Variants in CCSER1 observed in about 807,000 individuals in gnomAD.
The protein encoded by CCSER1 is coiled-coil serine rich protein 1.
CCSER1 carries 41 observed loss-of-function variants against 82.0 expected under a neutral mutation model. The ratio of observed to expected loss-of-function variants is 0.50; its 90% CI spans 0.39 to 0.65. CCSER1 has a LOEUF of 0.65. CCSER1 is among the 30% of genes least tolerant of loss of function. CCSER1 has a pLI of 0.00. For missense variants in CCSER1, 1,119 were observed against 1,064.2 expected (o/e 1.05, Z -0.72); for synonymous variants, 414 against 383.9 (o/e 1.08, Z -0.92).
rs1392117256 is a variant in CCSER1 at position 91,602,339 on chromosome 4, A to G, written c.*3282A>G. Among the ~76,000 whole-genome samples the G allele has an allele frequency of 6.6e-6, 1 of 151,976 alleles. No homozygotes were observed. Among genetic ancestry groups the G allele is most frequent in the African/African-American group, 2.4e-5 (1 of 41,422 alleles). Reference sequence around the variant, plus strand: ...TTTTGTTTTCTTTGTCTTGTTTAATAGAGATAATAACCATACACCCCTCTC... The same window carrying G: ...TTTTGTTTTCTTTGTCTTGTTTAATGGAGATAATAACCATACACCCCTCTC... On this transcript the variant is annotated 3_prime_UTR_variant, in exon 11 of 11. Transcript: ENST00000509176.
intron 8 of CCSER1, among the ~76,000 whole-genome samples, chr4:90,898,635 G>T (rs1479574818): frequency 6.6e-6 from 1 of 151,820 alleles, no homozygotes. Context: ...ATGTTGAGAA[G>T]TAAGGGTCCA....
At chr4:90,904,483 T>C (rs1725146159) in intron 8 of CCSER1, among the ~76,000 whole-genome samples, 1 of 152,132 alleles carries the variant, frequency 6.6e-6, no homozygotes, top group Non-Finnish European at 1.5e-5. Context: ...TTATTCCTTA[T>C]ACCATAATTG....
At chr4:91,151,270 G>T (rs1437003048) in intron 10 of CCSER1, among the ~76,000 whole-genome samples, 2 of 152,214 alleles carry the variant, frequency 1.3e-5, no homozygotes, top group Non-Finnish European at 2.9e-5. Flanking sequence ...GGTGCTTATA[G>T]TATTCTCTGA....
At chr4:90,559,809 CAAAAAA>C (rs1236087772) in intron 5 of CCSER1, among the ~76,000 whole-genome samples, 9 of 39,756 alleles carry the variant, frequency 2.3e-4, no homozygotes, top group African/African-American at 3.7e-4. Context: ...GACTCCGTCT[CAAAAAA>C]AAAAAAAAAA....
intron 4 of CCSER1, among the ~76,000 whole-genome samples, chr4:90,433,957 C>T (rs1758666639): frequency 1.3e-5 from 2 of 151,472 alleles, no homozygotes; most frequent in Non-Finnish European, 2.9e-5. Flanking sequence ...AACTATTTTA[C>T]CATATTCTCT....
chr4:91,187,104 T>G (rs1056613632), intron 10 of CCSER1, among the ~76,000 whole-genome samples: 1 of 152,214 alleles, frequency 6.6e-6, no homozygotes, highest in African/African-American at 2.4e-5. Flanking sequence ...CCCCTTGTGC[T>G]TCCCAGGTGA....
chr4:90,199,474 T>C (rs1225532498), intron 1 of CCSER1, among the ~76,000 whole-genome samples: 1 of 152,298 alleles, frequency 6.6e-6, no homozygotes. Flanking sequence ...ATTGCTATTA[T>C]GGTAATGATT....
chr4:91,066,595 A>T (rs1165488336), intron 9 of CCSER1, among the ~76,000 whole-genome samples: 1 of 152,308 alleles, frequency 6.6e-6, no homozygotes, highest in Non-Finnish European at 1.5e-5. Flanking sequence ...GTGAATAGAT[A>T]ATTATTCTTC....
chr4:91,376,290 G>T (rs1750407282), intron 10 of CCSER1, among the ~76,000 whole-genome samples: 1 of 152,136 alleles, frequency 6.6e-6, no homozygotes, highest in Non-Finnish European at 1.5e-5. Context: ...AAGCCTAGAT[G>T]GAATAGCCTA....
chr4:90,645,213 G>A (rs1334513474), intron 6 of CCSER1, among the ~76,000 whole-genome samples: 4 of 152,200 alleles, frequency 2.6e-5, no homozygotes, highest in African/African-American at 9.6e-5. Context: ...ATTTTGGATA[G>A]GATATCAGTG....
intron 1 of CCSER1, among the ~76,000 whole-genome samples, chr4:90,154,373 G>A (rs1003509209): frequency 6.6e-6 from 1 of 152,142 alleles, no homozygotes; most frequent in Non-Finnish European, 1.5e-5. Flanking sequence ...CTCTTTTTTG[G>A]TTCCATATGA....
At chr4:90,620,006 A>T (rs1340540327) in intron 5 of CCSER1, among the ~76,000 whole-genome samples, 7 of 152,140 alleles carry the variant, frequency 4.6e-5, no homozygotes, top group Admixed American at 4.6e-4. Flanking sequence ...ACTAAGCCAG[A>T]ACTTGCGGAG....
intron 1 of CCSER1, among the ~76,000 whole-genome samples, chr4:90,290,038 G>A (rs986416806): frequency 1.3e-5 from 2 of 151,714 alleles, no homozygotes; most frequent in African/African-American, 4.8e-5. Flanking sequence ...TAGGGTACAT[G>A]TGATATTGGA....
chr4:91,339,557 A>T (rs1747557503), intron 10 of CCSER1, among the ~76,000 whole-genome samples: 2 of 152,140 alleles, frequency 1.3e-5, no homozygotes, highest in Admixed American at 1.3e-4. Flanking sequence ...GTTTGACTTC[A>T]GTCTCTGCTT....
At chr4:91,141,570 A>G (rs1416975418) in intron 10 of CCSER1, among the ~76,000 whole-genome samples, 2 of 152,188 alleles carry the variant, frequency 1.3e-5, no homozygotes, top group African/African-American at 4.8e-5. Flanking sequence ...GCTATTGTGA[A>G]TAGTGCTGCA....
intron 10 of CCSER1, among the ~76,000 whole-genome samples, chr4:91,091,327 T>G (rs2148826503): frequency 6.6e-6 from 1 of 152,278 alleles, no homozygotes; most frequent in Admixed American, 6.5e-5. Flanking sequence ...ATAGCACACG[T>G]CGGGCTGGTC....
chr4:91,334,257 T>C (rs1747165113), intron 10 of CCSER1, among the ~76,000 whole-genome samples: 1 of 152,078 alleles, frequency 6.6e-6, no homozygotes, highest in Non-Finnish European at 1.5e-5. Context: ...CAAAACTCTC[T>C]TGCTCATGCC....
At chr4:91,442,803 G>C (rs1755272612) in intron 10 of CCSER1, among the ~76,000 whole-genome samples, 1 of 151,110 alleles carries the variant, frequency 6.6e-6, no homozygotes, top group East Asian at 2.0e-4. Context: ...CCATCAAAAA[G>C]TGGGCAAAGG....
intron 7 of CCSER1, among the ~76,000 whole-genome samples, chr4:90,791,947 A>T (rs529826855): frequency 1.3e-5 from 2 of 152,224 alleles, no homozygotes; most frequent in South Asian, 4.1e-4. Flanking sequence ...CATCAAAATA[A>T]AACAGTTTAT....
Sources: gnomAD v4.1 joint callset for allele counts (sites outside exome capture counted in the v4.1 genomes callset) on GRCh38, gnomAD v4.1.1 for gene constraint, MANE v1.5 for transcripts, NCBI Gene and HGNC (gene_info 2026-07-23, HGNC 2026-07-21) for gene names.